Variants in LIMS2 observed in about 807,000 individuals in gnomAD.
LIMS2 encodes the protein LIM zinc finger domain containing 2, also known as LIM and senescent cell antigen-like-containing domain protein 2.
A neutral mutation model predicts 45.3 loss-of-function variants in LIMS2; 30 were observed. The observed-to-expected ratio is 0.66, with a 90% confidence interval of 0.50 to 0.90. LIMS2 has a LOEUF of 0.90. LIMS2 is among the 40% of genes least tolerant of loss of function. The pLI, the probability that LIMS2 is intolerant of heterozygous loss-of-function variation, is 0.00. For synonymous variants in LIMS2, 173 were observed against 188.0 expected (o/e 0.92, Z 0.65); for missense variants, 485 against 468.7 (o/e 1.03, Z -0.32).
chr2:127,655,726 T>TA (rs1684209949), intron 2 of LIMS2: 1 of 152,326 alleles, frequency 6.6e-6, no homozygotes, highest in African/African-American at 2.4e-5. Context: ...CCTCTACACT[T>TA]AGACAGCATT....
At chr2:127,668,975 C>T (rs1445761487) in intron 1 of LIMS2, among the ~76,000 whole-genome samples, 2 of 152,006 alleles carry the variant, frequency 1.3e-5, no homozygotes, top group South Asian at 2.1e-4. Flanking sequence ...ACCTGTGGTT[C>T]CAGCTACTCA....
At position 127,642,846 on chromosome 2, in the gene LIMS2, G is replaced by T; in HGVS notation, c.509+77C>A. On this transcript the variant is annotated intron_variant, in intron 5 of 9. Transcript: ENST00000355119. The surrounding 1 kb of genome is among the most constrained non-coding windows in gnomAD (Gnocchi z 5.3). ...CTCCCTCCTCAACACTTCCCCAGGT[G>T]GAGGCCCCACCGCCCTTACCCTGGG... The T allele has an allele frequency of 6.8e-7, 1 of 1,464,024 alleles. No homozygotes were observed. Among genetic ancestry groups the T allele is most frequent in the East Asian group, 2.5e-5 (1 of 40,248 alleles). 90.7% of individuals were successfully genotyped at this position (1,464,024 alleles called of 1,614,324 possible). A position where few individuals can be genotyped will look rare whatever the true frequency, so the allele number is the denominator to read the frequency against.
chr2:127,640,543 G>A lies in LIMS2; in HGVS notation c.754-225C>T. ...GCGTTGCTCCCCAGAAGGCCCCTCT[G>A]CTCTGGCCACTGCTGTCCTGCAAGG... On this transcript the variant is annotated intron_variant, in intron 7 of 9. Transcript: ENST00000355119. 3 of 613,012 alleles carry A rather than the reference G, an allele frequency of 4.9e-6. No homozygotes were observed. In the South Asian group the frequency reaches 5.9e-5, roughly 12 times the overall value. 38.0% of individuals were successfully genotyped at this position (613,012 alleles called of 1,614,324 possible). A position where few individuals can be genotyped will look rare whatever the true frequency, so the allele number is the denominator to read the frequency against.
intron 4 of LIMS2, chr2:127,651,061 T>C (rs1194762655): frequency 6.2e-7 from 1 of 1,613,746 alleles, no homozygotes; most frequent in East Asian, 2.2e-5. Flanking sequence ...CTCACCGGCT[T>C]CCTCTTCTAC....
chr2:127,649,157 GAGGA>G (rs1469679192), intron 4 of LIMS2, among the ~76,000 whole-genome samples: 1 of 73,862 alleles, frequency 1.4e-5, no homozygotes, highest in African/African-American at 5.3e-5. Flanking sequence ...GTGAGAGAGA[GAGGA>G]AGGTAGGAAG....
chr2:127,649,163 G>GTTAGGAAGGAAGGAAGGAAA lies in LIMS2; in HGVS notation c.359+5260_359+5261insTTTCCTTCCTTCCTTCCTAA, dbSNP rs1476488834. ...CAAAGCGAAGTGAGAGAGAGAGGAA[G>GTTAGGAAGGAAGGAAGGAAA]GTAGGAAGGAAGGAAGGAAGGAAGG... is the stretch of plus-strand genomic sequence containing the variant. On this transcript the variant is annotated intron_variant, in intron 4 of 9. Coordinates refer to ENST00000355119, the MANE Select transcript of LIMS2 (RefSeq NM_001161403.3). Among the ~76,000 whole-genome samples, 184 of 112,084 alleles carry GTTAGGAAGGAAGGAAGGAAA rather than the reference G, an allele frequency of 1.6e-3. 2 individuals are homozygous for GTTAGGAAGGAAGGAAGGAAA. The highest frequency in any genetic ancestry group is 6.6e-3 in the Admixed American group (72 of 10,834). 73.5% of individuals were successfully genotyped at this position (112,084 alleles called of 152,430 possible).
Position 127,639,148 on chromosome 2 carries a change from G to A in LIMS2, c.*133C>T. 1 of 929,162 alleles carries A rather than the reference G, an allele frequency of 1.1e-6. No homozygotes were observed. Among genetic ancestry groups the A allele is most frequent in the Non-Finnish European group, 1.6e-6 (1 of 619,182 alleles). The allele number at this position is 929,162 out of a possible 1,614,324, so 57.6% of individuals were successfully genotyped here. ...AGGCAGAGATGAGGGAACAGGAAGGGAGAAGGCAATGAGGAAAGAGAAAGG... is the reference window on the plus strand; with the variant it reads ...AGGCAGAGATGAGGGAACAGGAAGGAAGAAGGCAATGAGGAAAGAGAAAGG... On this transcript the variant is annotated 3_prime_UTR_variant, in exon 10 of 10. Transcript: ENST00000355119.
intron 4 of LIMS2, chr2:127,643,569 A>G (rs1031367397): frequency 2.2e-6 from 1 of 456,672 alleles, no homozygotes; most frequent in East Asian, 6.9e-5. Context: ...AAAGACAAGC[A>G]CTGCTATGTC....
At chr2:127,651,091 T>C (rs1683720485) in intron 4 of LIMS2, 9 of 1,613,600 alleles carry the variant, frequency 5.6e-6, no homozygotes, top group African/African-American at 2.7e-5. Flanking sequence ...TACGCCAGCA[T>C]CTACTTCCTC....
intron 1 of LIMS2, chr2:127,674,053 C>G (rs1685399540): frequency 2.6e-6 from 1 of 377,754 alleles, no homozygotes; most frequent in Non-Finnish European, 5.1e-6. Flanking sequence ...CCTGAGACCC[C>G]AGGCCACAGC....
chr2:127,650,788 C>T (rs778184193), intron 4 of LIMS2: 2 of 1,613,668 alleles, frequency 1.2e-6, no homozygotes, highest in South Asian at 1.1e-5. Context: ...TTCTCCCTGG[C>T]CACGGCAGAG....
In LIMS2 at chr2:127,651,499, G is replaced by A. The variant is rs375757825; in HGVS notation, c.359+2925C>T. Reference sequence around the variant, plus strand: ...TGCTTCGTGCCCTACCACGTCAACCGCTCCGTCTACGTGCTGCACTACCGC... The same window carrying A: ...TGCTTCGTGCCCTACCACGTCAACCACTCCGTCTACGTGCTGCACTACCGC... On this transcript the variant is annotated intron_variant, in intron 4 of 9. Transcript: ENST00000355119. The A allele has an allele frequency of 5.8e-5, 94 of 1,612,590 alleles. No homozygotes were observed. Among genetic ancestry groups the A allele is most frequent in the East Asian group, 1.3e-4 (6 of 44,892 alleles).
Position 127,639,255 on chromosome 2 carries a change from C to T in LIMS2, c.*26G>A, listed in dbSNP as rs1305122454. On this transcript the variant is annotated 3_prime_UTR_variant, in exon 10 of 10. Transcript: ENST00000355119. Reference sequence around the variant, plus strand: ...GCAGGAGGGGAGAAGGCGGAGGGGCCGAGAGGCAGCTGCGCAAGAGGGCCT... The same window carrying T: ...GCAGGAGGGGAGAAGGCGGAGGGGCTGAGAGGCAGCTGCGCAAGAGGGCCT... 5.6e-6 allele frequency: 9 copies of T among 1,609,770 alleles called. No individual in the cohort carries two copies. Among genetic ancestry groups the T allele is most frequent in the East Asian group, 2.2e-5 (1 of 44,818 alleles).
chr2:127,649,086 AAAAAG>A lies in LIMS2; in HGVS notation c.359+5333_359+5337del, dbSNP rs1431185479. Among the ~76,000 whole-genome samples, 270 of 146,902 alleles carry A rather than the reference AAAAAG, an allele frequency of 1.8e-3. 2 individuals are homozygous for A. Among genetic ancestry groups the A allele is most frequent in the African/African-American group, 5.9e-3 (241 of 40,792 alleles). On this transcript the variant is annotated intron_variant, in intron 4 of 9. Transcript: ENST00000355119. ...AAGGAAGGAAGGAAAAAGAAAAGAAAAAAAGAAAAAAGAAAAGAAAAAAGGAAAAT... is the reference window on the plus strand; with the variant it reads ...AAGGAAGGAAGGAAAAAGAAAAGAAAAAAAAAGAAAAGAAAAAAGGAAAAT...
chr2:127,656,496 C>T (rs534429307), intron 2 of LIMS2, among the ~76,000 whole-genome samples: 1 of 151,662 alleles, frequency 6.6e-6, no homozygotes, highest in African/African-American at 2.4e-5. Flanking sequence ...TCACTGCAAC[C>T]TCTGCCTCCC....
chr2:127,668,732 A>C, intron 1 of LIMS2, among the ~76,000 whole-genome samples: 1 of 146,152 alleles, frequency 6.8e-6, no homozygotes. Context: ...AAAAATTACA[A>C]TTTACTTACT....
In LIMS2 at chr2:127,675,146, A is replaced by C; in HGVS notation, c.-122T>G. 2.5e-6 allele frequency: 2 copies of C among 806,040 alleles called. No homozygotes were observed. Among genetic ancestry groups the C allele is most frequent in the Admixed American group, 6.0e-5 (1 of 16,690 alleles). The allele number at this position is 806,040 out of a possible 1,614,324, so 49.9% of individuals were successfully genotyped here. On this transcript the variant is annotated 5_prime_UTR_variant, in exon 1 of 10. Coordinates refer to ENST00000355119, the MANE Select transcript of LIMS2 (RefSeq NM_001161403.3). The stretch of plus-strand genomic sequence containing the variant: ...CGCGGAGCAGGGAGACGCCCAAAAA[A>C]GGCCAAGAGCCGCTCCGCCCGCGAG...
At chr2:127,640,773 G>A in intron 7 of LIMS2, 123 bp downstream of exon 7, 5 of 823,862 alleles carry the variant, frequency 6.1e-6, no homozygotes, top group Non-Finnish European at 8.1e-6. Flanking sequence ...GGCTGAGGGT[G>A]CAGGCCTGGG....
intron 1 of LIMS2, among the ~76,000 whole-genome samples, chr2:127,660,741 C>T (rs1384873441): frequency 9.2e-5 from 14 of 152,238 alleles, no homozygotes; most frequent in Admixed American, 9.2e-4. Flanking sequence ...GGAGCCAATG[C>T]TGGACACACC....
Sources: allele counts gnomAD v4.1 joint callset (sites outside exome capture counted in the v4.1 genomes callset), GRCh38; gene constraint gnomAD v4.1.1; non-coding constraint Gnocchi (gnomAD v3.1); transcripts MANE v1.5; gene names NCBI Gene and HGNC (gene_info 2026-07-23, HGNC 2026-07-21).